The following CHD6 variants were observed in gnomAD, a reference collection of about 807,000 sequenced individuals.
CHD6 encodes ATP-dependent chromatin remodeler CHD6.
CHD6 carries 50 observed loss-of-function variants against 276.9 expected under a neutral mutation model. That is an observed-to-expected ratio of 0.18 (90% CI 0.14 to 0.23). The LOEUF is 0.23. CHD6 is among the 10% of genes least tolerant of loss of function. The pLI is 1.00. For missense variants in CHD6, 2,564 were observed against 3,365.8 expected (o/e 0.76, Z 5.89); for synonymous variants, 1,173 against 1,229.3 (o/e 0.95, Z 0.96).
At chr20:41,601,498 G>A (rs1036313200) in intron 1 of CHD6, among the ~76,000 whole-genome samples, 2 of 152,182 alleles carry the variant, frequency 1.3e-5, no homozygotes, top group African/African-American at 4.8e-5. Flanking sequence ...GCCTCTAAGA[G>A]TGAACTTCAA....
At chr20:41,592,936 C>T (rs189964161) in intron 1 of CHD6, among the ~76,000 whole-genome samples, 1 of 151,972 alleles carries the variant, frequency 6.6e-6, no homozygotes, top group Non-Finnish European at 1.5e-5. Context: ...CTAAAACGTG[C>T]CCCTCCAAAA....
At chr20:41,575,856 T>C (rs1161357875) in intron 1 of CHD6, among the ~76,000 whole-genome samples, 1 of 152,090 alleles carries the variant, frequency 6.6e-6, no homozygotes, top group Non-Finnish European at 1.5e-5. Flanking sequence ...AACTATAAAG[T>C]GAAGCCAAAA....
rs113638490 is a variant in CHD6, at chr20:41,420,710, G to A, written c.5925C>T (p.Ile1975=). The A allele has an allele frequency of 5.6e-6, 9 of 1,614,196 alleles. No individual in the cohort carries two copies. Among genetic ancestry groups the A allele is most frequent in the Admixed American group, 5.0e-5 (3 of 60,028 alleles). ...TAGCAGTGGGTTCACCCTCCATGGC[G>A]ATAGTATTGGTTTTACTTTTGAACA... ...PDLFKSKTNT[I]AMEGEPTAIP... Residue 1975 remains isoleucine, a synonymous_variant, in exon 31 of 37, where the codon ATC becomes ATT. Transcript: ENST00000373233.
At chr20:41,491,546 G>A in intron 11 of CHD6, 152 bp downstream of exon 11, 1 of 770,714 alleles carries the variant, frequency 1.3e-6, no homozygotes, top group South Asian at 1.8e-5. Context: ...AATAAAGTAA[G>A]TCTTGGATGA....
At chr20:41,589,564 T>C (rs1379826743) in intron 1 of CHD6, among the ~76,000 whole-genome samples, 3 of 152,214 alleles carry the variant, frequency 2.0e-5, no homozygotes, top group Non-Finnish European at 4.4e-5. Context: ...AGCATTCTTA[T>C]ACACCAATAA....
At chr20:41,439,542 C>A (rs139735183) in intron 26 of CHD6, among the ~76,000 whole-genome samples, 103 of 152,278 alleles carry the variant, frequency 6.8e-4, no homozygotes, top group African/African-American at 2.4e-3. Flanking sequence ...CGTCAAGGAG[C>A]GGCCCCTAAA....
At chr20:41,594,657 T>C (rs1025693233) in intron 1 of CHD6, among the ~76,000 whole-genome samples, 2 of 152,248 alleles carry the variant, frequency 1.3e-5, no homozygotes, top group Admixed American at 6.5e-5. Flanking sequence ...CCTTCCTGCT[T>C]AATCTGTAAT....
intron 4 of CHD6, among the ~76,000 whole-genome samples, chr20:41,514,573 C>T (rs1212850734): frequency 6.6e-6 from 1 of 152,216 alleles, no homozygotes; most frequent in South Asian, 2.1e-4. Flanking sequence ...TAATATCCTG[C>T]TACCTTCCAG....
chr20:41,461,409 G>A (rs918185046), intron 17 of CHD6, among the ~76,000 whole-genome samples: 1 of 152,172 alleles, frequency 6.6e-6, no homozygotes, highest in African/African-American at 2.4e-5. Flanking sequence ...TTCCCACACT[G>A]TGGGAGGGAC....
In CHD6 at chr20:41,423,515, C is replaced by T. The variant is rs534166542; in HGVS notation, c.4532G>A (p.Arg1511His). ...SFVAMCRNVC[R>H]LPTWKDGGPP... Reference sequence around the variant, plus strand: ...ACCGCCATCTTTCCATGTGGGTAGACGACAGACATTCCGGCACATGGCCAC... The same window carrying T: ...ACCGCCATCTTTCCATGTGGGTAGATGACAGACATTCCGGCACATGGCCAC... The change falls in exon 30 of 37, where the codon CGT (arginine) becomes CAT (histidine). Residue 1511 changes from arginine to histidine, a missense_variant. Coordinates refer to ENST00000373233, the MANE Select transcript of CHD6 (RefSeq NM_032221.5). The T allele has an allele frequency of 7.4e-6, 12 of 1,614,144 alleles. No individual in the cohort carries two copies. The highest frequency in any genetic ancestry group is 6.7e-5 in the East Asian group (3 of 44,882).
intron 16 of CHD6, 99 bp downstream of exon 16, chr20:41,483,210 A>C: frequency 4.8e-6 from 5 of 1,052,104 alleles, no homozygotes; most frequent in Non-Finnish European, 6.8e-6. Flanking sequence ...CCGTTTTTGA[A>C]TGTTTTGTGT....
intron 1 of CHD6, among the ~76,000 whole-genome samples, chr20:41,615,096 T>C (rs913361780): frequency 6.6e-6 from 1 of 152,188 alleles, no homozygotes; most frequent in Non-Finnish European, 1.5e-5. Flanking sequence ...AGAGAACTAC[T>C]GGTGAAAAGG....
intron 1 of CHD6, among the ~76,000 whole-genome samples, chr20:41,565,867 C>G (rs982938457): frequency 4.6e-5 from 7 of 152,012 alleles, no homozygotes; most frequent in Non-Finnish European, 7.4e-5. Context: ...AAAGGCTGAC[C>G]AATGATAAAT....
rs1320048555 is a variant in CHD6, at chr20:41,499,283, T to C, written c.915+12A>G. ...GCTAATGATATAAAAGCTAGAAACA[T>C]GAGCCACCAACCTCCTGGACAGTCT... On this transcript the variant is annotated intron_variant, in intron 6 of 36. Coordinates refer to ENST00000373233, the MANE Select transcript of CHD6 (RefSeq NM_032221.5). 2 of 1,595,484 alleles carry C rather than the reference T, an allele frequency of 1.3e-6. No individual in the cohort carries two copies. Among genetic ancestry groups the C allele is most frequent in the African/African-American group, 2.7e-5 (2 of 74,048 alleles).
intron 27 of CHD6, among the ~76,000 whole-genome samples, chr20:41,432,908 T>C (rs936094210): frequency 6.6e-6 from 1 of 152,046 alleles, no homozygotes; most frequent in African/African-American, 2.4e-5. Context: ...CAAATAATAT[T>C]TGGATTCAAA....
At chr20:41,528,342 A>G (rs762794130) in intron 3 of CHD6, among the ~76,000 whole-genome samples, 41 of 152,126 alleles carry the variant, frequency 2.7e-4, no homozygotes, top group Non-Finnish European at 4.9e-4. Flanking sequence ...AGGTATGTGT[A>G]TATGTTTGTA....
intron 2 of CHD6, among the ~76,000 whole-genome samples, chr20:41,534,715 A>G (rs2044784762): frequency 6.6e-6 from 1 of 152,218 alleles, no homozygotes; most frequent in South Asian, 2.1e-4. Context: ...AAAACAATTC[A>G]GTTTGATGAT....
Position 41,483,384 on chromosome 20 carries a change from C to G in CHD6, c.2393G>C (p.Gly798Ala). Residue 798 changes from glycine to alanine, a missense_variant, in exon 16 of 37, where the codon GGT (glycine) becomes GCT (alanine). Physicochemically the swap from Gly to Ala is moderately conservative, Grantham distance 60 (BLOSUM62 0). Coordinates refer to ENST00000373233, the MANE Select transcript of CHD6 (RefSeq NM_032221.5). ...IDKLLPKLIAGGHKVLIFSQM... is the reference protein window; with the variant it reads ...IDKLLPKLIAAGHKVLIFSQM... ...GGAGAAGATGAGTACTTTGTGGCCA[C>G]CTGCAATCAGCTTAGGGAGTAGTTT... 1.2e-6 allele frequency: 2 copies of G among 1,613,804 alleles called. No individual in the cohort carries two copies. The highest frequency in any genetic ancestry group is 8.5e-7 in the Non-Finnish European group (1 of 1,179,854).
chr20:41,547,690 TAGAC>T, intron 2 of CHD6: 2 of 721,406 alleles, frequency 2.8e-6, no homozygotes, highest in Admixed American at 1.9e-5. Flanking sequence ...GAACCACCAA[TAGAC>T]AGAAAGAAAC....
Sources: allele counts gnomAD v4.1 joint callset (sites outside exome capture counted in the v4.1 genomes callset), GRCh38; gene constraint gnomAD v4.1.1; transcripts MANE v1.5; gene names NCBI Gene and HGNC (gene_info 2026-07-23, HGNC 2026-07-21).